The following PDZRN3 variants were observed in gnomAD, a reference collection of about 807,000 sequenced individuals.
PDZRN3 encodes the protein PDZ domain containing ring finger 3, also known as E3 ubiquitin-protein ligase PDZRN3.
In PDZRN3, 38 loss-of-function variants were observed where a neutral mutation model predicts 85.7. That is an observed-to-expected ratio of 0.44 (90% CI 0.34 to 0.58). The LOEUF is 0.58. Ranked by LOEUF, PDZRN3 falls within the 20% of genes least tolerant of loss-of-function variation. The probability of loss-of-function intolerance (pLI) is 0.01; values close to 1 mark genes in which losing one functional copy is unlikely to be tolerated. For missense variants in PDZRN3, 1,629 were observed against 1,506.4 expected (o/e 1.08, Z -1.35); for synonymous variants, 759 against 638.0 (o/e 1.19, Z -2.86).
chr3:73,624,211 C>T lies in PDZRN3; in HGVS notation c.615G>A (p.Ala205=). The change falls in exon 1 of 10, where the codon GCG becomes GCA. Residue 205 remains alanine (A), a synonymous_variant. Transcript: ENST00000263666. ...EKSLVAQLAA[A]QLELQMTALR... ...GCGCGGTCATCTGCAGCTCAAGCTGCGCCGCGGCCAGCTGGGCCACCAGCG... is the reference window on the plus strand; with the variant it reads ...GCGCGGTCATCTGCAGCTCAAGCTGTGCCGCGGCCAGCTGGGCCACCAGCG... 6.7e-7 allele frequency: 1 copy of T among 1,488,776 alleles called. No homozygotes were observed. Among genetic ancestry groups the T allele is most frequent in the Non-Finnish European group, 8.9e-7 (1 of 1,125,862 alleles). 92.2% of individuals were successfully genotyped at this position (1,488,776 alleles called of 1,614,324 possible). A position where few individuals can be genotyped will look rare whatever the true frequency, so the allele number is the denominator to read the frequency against.
At chr3:73,513,543 T>C (rs116830504) in intron 3 of PDZRN3, among the ~76,000 whole-genome samples, 2,155 of 152,334 alleles carry the variant, frequency 0.014, 53 homozygotes, top group African/African-American at 0.047. Flanking sequence ...AGCAAACTTG[T>C]TAACATTCAC....
intron 3 of PDZRN3, among the ~76,000 whole-genome samples, chr3:73,529,645 C>G (rs1575712646): frequency 1.3e-5 from 2 of 152,306 alleles, no homozygotes; most frequent in African/African-American, 4.8e-5. Flanking sequence ...ATCACAGAAA[C>G]AGTAAAATAA....
intron 3 of PDZRN3, among the ~76,000 whole-genome samples, chr3:73,468,231 G>A (rs1358813076): frequency 6.6e-6 from 1 of 152,094 alleles, no homozygotes; most frequent in Non-Finnish European, 1.5e-5. Context: ...AATGGGAAGC[G>A]ACCATGAGCC....
rs1423792619 is a variant in PDZRN3 at position 73,539,344 on chromosome 3, G to A, written c.918+63010C>T. On this transcript the variant is annotated intron_variant, in intron 3 of 9. Transcript: ENST00000263666. ...CAGAAGAAGTCATTAGAGACAATCA[G>A]TTGAAATTGAGGTTGTAGTGGGTTA... Among the ~76,000 whole-genome samples, 3 of 152,302 alleles carry A rather than the reference G, an allele frequency of 2.0e-5. No individual in the cohort carries two copies. The East Asian group carries it at 5.8e-4, about 29-fold the overall frequency.
chr3:73,434,063 A>G, intron 3 of PDZRN3: 9 of 507,488 alleles, frequency 1.8e-5, no homozygotes, highest in Non-Finnish European at 2.3e-5. Context: ...CTCATTGACT[A>G]TTCATAACAG....
chr3:73,433,595 G>T, intron 3 of PDZRN3: 1 of 1,311,300 alleles, frequency 7.6e-7, no homozygotes, highest in South Asian at 1.3e-5. Flanking sequence ...ACTTGGCCAG[G>T]TGGGTGCCTA....
chr3:73,603,386 C>T (rs889001930), intron 2 of PDZRN3, among the ~76,000 whole-genome samples: 1 of 152,176 alleles, frequency 6.6e-6, no homozygotes, highest in Non-Finnish European at 1.5e-5. Flanking sequence ...CCAACAAGCT[C>T]ATAAAAAACC....
chr3:73,494,969 AT>A (rs1434500821), intron 3 of PDZRN3, among the ~76,000 whole-genome samples: 2 of 152,180 alleles, frequency 1.3e-5, no homozygotes, highest in Non-Finnish European at 2.9e-5. Flanking sequence ...GGAGCTAAAC[AT>A]TGGGTACTCG....
At chr3:73,549,163 G>A (rs1248752169) in intron 3 of PDZRN3, among the ~76,000 whole-genome samples, 2 of 152,152 alleles carry the variant, frequency 1.3e-5, no homozygotes, top group Non-Finnish European at 2.9e-5. Flanking sequence ...ATAGCTAAGC[G>A]ATGCCATTAT....
intron 3 of PDZRN3, chr3:73,569,292 A>C (rs1302746667): frequency 8.0e-7 from 1 of 1,246,776 alleles, no homozygotes; most frequent in African/African-American, 1.6e-5. Context: ...AGACTGAGAT[A>C]CTGAGATTCT....
intron 3 of PDZRN3, among the ~76,000 whole-genome samples, chr3:73,481,868 A>AG (rs1479900356): frequency 1.3e-5 from 2 of 152,340 alleles, no homozygotes; most frequent in East Asian, 3.9e-4. Flanking sequence ...AGACAAAAAA[A>AG]GAATTCCTCC....
In PDZRN3 at chr3:73,613,825, C is replaced by T. The variant is rs543667393; in HGVS notation, c.724-5141G>A. Among the ~76,000 whole-genome samples, 12 of 152,190 alleles carry T rather than the reference C, an allele frequency of 7.9e-5. 2 individuals are homozygous for T. The highest frequency in any genetic ancestry group is 2.6e-4 in the African/African-American group (11 of 41,512). ...GCTTGGCAGGAAGCTCTATCAGATACTTAGGACCCCAGCCCCCACCCAAAC... is the reference window on the plus strand; with the variant it reads ...GCTTGGCAGGAAGCTCTATCAGATATTTAGGACCCCAGCCCCCACCCAAAC... On this transcript the variant is annotated intron_variant, in intron 1 of 9. Coordinates refer to ENST00000263666, the MANE Select transcript of PDZRN3 (RefSeq NM_015009.3).
chr3:73,410,163 C>A (rs142661424), intron 3 of PDZRN3, among the ~76,000 whole-genome samples: 59 of 152,254 alleles, frequency 3.9e-4, no homozygotes, highest in Non-Finnish European at 7.9e-4. Flanking sequence ...TAAAAGGTTT[C>A]AAGCCCTGAT....
chr3:73,540,973 G>A (rs1168390647), intron 3 of PDZRN3, among the ~76,000 whole-genome samples: 1 of 152,100 alleles, frequency 6.6e-6, no homozygotes, highest in East Asian at 1.9e-4. Context: ...ATACCTTACT[G>A]TTACAAATGA....
chr3:73,587,685 C>A (rs1702297318), intron 3 of PDZRN3, among the ~76,000 whole-genome samples: 1 of 152,114 alleles, frequency 6.6e-6, no homozygotes, highest in African/African-American at 2.4e-5. Flanking sequence ...CTCAACCAAC[C>A]AAACCAAAGC....
chr3:73,508,761 G>A (rs538399021), intron 3 of PDZRN3, among the ~76,000 whole-genome samples: 1 of 152,252 alleles, frequency 6.6e-6, no homozygotes, highest in South Asian at 2.1e-4. Flanking sequence ...AGAGATATGT[G>A]AAAAGGCAGG....
At chr3:73,597,558 C>T (rs1702448630) in intron 3 of PDZRN3, among the ~76,000 whole-genome samples, 1 of 152,088 alleles carries the variant, frequency 6.6e-6, no homozygotes, top group Admixed American at 6.5e-5. Flanking sequence ...CACGCAATCA[C>T]TACACAGACT....
chr3:73,494,233 C>T (rs1273008629), intron 3 of PDZRN3, among the ~76,000 whole-genome samples: 5 of 152,184 alleles, frequency 3.3e-5, no homozygotes. Context: ...GCCTTTCTTA[C>T]TACAAAACAA....
intron 1 of PDZRN3, among the ~76,000 whole-genome samples, chr3:73,617,704 A>C (rs975743483): frequency 1.3e-5 from 2 of 152,024 alleles, no homozygotes; most frequent in Admixed American, 6.5e-5. Context: ...TTTTTGTCTA[A>C]ATCTATTTTT....
Sources: gnomAD v4.1 joint callset for allele counts (sites outside exome capture counted in the v4.1 genomes callset) on GRCh38, gnomAD v4.1.1 for gene constraint, MANE v1.5 for transcripts, NCBI Gene and HGNC (gene_info 2026-07-23, HGNC 2026-07-21) for gene names.